DNAJB5: variants seen among roughly 807,000 people sequenced by gnomAD.
The protein encoded by DNAJB5 is DnaJ heat shock protein family (Hsp40) member B5.
In DNAJB5, 12 loss-of-function variants were observed where a neutral mutation model predicts 32.6. The observed-to-expected ratio is 0.37, with a 90% confidence interval of 0.24 to 0.60. DNAJB5 has a LOEUF of 0.60. Ranked by LOEUF, DNAJB5 falls within the 20% of genes least tolerant of loss-of-function variation. The probability of loss-of-function intolerance (pLI) is 0.71; values close to 1 mark genes in which losing one functional copy is unlikely to be tolerated. For missense variants in DNAJB5, 358 were observed against 554.2 expected (o/e 0.65, Z 3.55); for synonymous variants, 188 against 212.9 (o/e 0.88, Z 1.02).
chr9:34,990,276 G>A lies in DNAJB5; in HGVS notation c.-132-223G>A. 7.2e-7 allele frequency: 1 copy of A among 1,381,980 alleles called. No individual in the cohort carries two copies. The highest frequency in any genetic ancestry group is 1.3e-5 in the South Asian group (1 of 77,094). 85.6% of individuals were successfully genotyped at this position (1,381,980 alleles called of 1,614,324 possible). A position where few individuals can be genotyped will look rare whatever the true frequency, so the allele number is the denominator to read the frequency against. On this transcript the variant is annotated intron_variant, in intron 1 of 4. Coordinates refer to ENST00000682809, the MANE Select transcript of DNAJB5 (RefSeq NM_001349723.3). The surrounding 1 kb of genome is among the most constrained non-coding windows in gnomAD (Gnocchi z 4.5). ...ATTGAGTAGGTTCTTGGGGATTGGG[G>A]TCGGGTCCTCCCCAGTGAGAGGCGA...
rs1379151224 is a variant in DNAJB5 at position 34,993,618 on chromosome 9, C to T, written c.427+174C>T. 6.6e-6 allele frequency among the ~76,000 whole-genome samples: 1 copy of T among 152,112 alleles called. No homozygotes were observed. The highest frequency in any genetic ancestry group is 1.9e-4 in the East Asian group (1 of 5,192). ...CCCACCCACTACCCAGCTCAGCTCA[C>T]CCTAGTTCTCCCCGCCTCTCTCTGC... On this transcript the variant is annotated intron_variant, in intron 3 of 4. Coordinates refer to ENST00000682809, the MANE Select transcript of DNAJB5 (RefSeq NM_001349723.3). This position sits in a 1 kb window ranked among gnomAD's most constrained non-coding sequence, Gnocchi z 4.7.
In DNAJB5 at chr9:34,997,267, C is replaced by A. The variant is rs1226872177; in HGVS notation, c.*8C>A. ...CACCTACCCTGTTCCTAGGCTCTGC[C>A]CCAGCCAGTCCAGAGCCTACCACAG... On this transcript the variant is annotated 3_prime_UTR_variant, in exon 5 of 5. Coordinates refer to ENST00000682809, the MANE Select transcript of DNAJB5 (RefSeq NM_001349723.3). The surrounding 1 kb of genome is among the most constrained non-coding windows in gnomAD (Gnocchi z 4.1). 6.2e-7 allele frequency: 1 copy of A among 1,612,542 alleles called. No individual in the cohort carries two copies. Among genetic ancestry groups the A allele is most frequent in the East Asian group, 2.2e-5 (1 of 44,878 alleles).
chr9:34,989,749 C>T lies in DNAJB5; in HGVS notation c.-215C>T. On this transcript the variant is annotated 5_prime_UTR_variant, in exon 1 of 5. Coordinates refer to ENST00000682809, the MANE Select transcript of DNAJB5 (RefSeq NM_001349723.3). Reference sequence around the variant, plus strand: ...GCCGGCGGGCAGGCGACTCCTGTCCCGGGTGGAGGCGGCGGAGCCGGAGCC... The same window carrying T: ...GCCGGCGGGCAGGCGACTCCTGTCCTGGGTGGAGGCGGCGGAGCCGGAGCC... 1.6e-6 allele frequency: 2 copies of T among 1,231,214 alleles called. No homozygotes were observed. Among genetic ancestry groups the T allele is most frequent in the Non-Finnish European group, 2.0e-6 (2 of 987,582 alleles). 76.3% of individuals were successfully genotyped at this position (1,231,214 alleles called of 1,614,324 possible).
chr9:34,991,509 T>TAGG, intron 2 of DNAJB5: 1 of 449,954 alleles, frequency 2.2e-6, no homozygotes, highest in Non-Finnish European at 4.5e-6. Context: ...ACTGGCCCTC[T>TAGG]GCCTGGAAGC....
chr9:34,995,942 G>A (rs1827778846), intron 3 of DNAJB5, among the ~76,000 whole-genome samples: 1 of 152,214 alleles, frequency 6.6e-6, no homozygotes, highest in Non-Finnish European at 1.5e-5. Flanking sequence ...GGCTTTTTGA[G>A]ACATCTTTGG....
chr9:34,998,527 G>C (rs1455119037), downstream of DNAJB5: 1 of 152,192 alleles, frequency 6.6e-6, no homozygotes, highest in Non-Finnish European at 1.5e-5. Context: ...AGAAGCCCAA[G>C]CAGGCCCTCA....
chr9:34,990,145 C>T lies in DNAJB5; in HGVS notation c.-133+314C>T, dbSNP rs537385467. The T allele has an allele frequency of 1.7e-4, 126 of 745,238 alleles. No individual in the cohort carries two copies. In the South Asian group the frequency reaches 1.8e-3, roughly 11 times the overall value. The allele number at this position is 745,238 out of a possible 1,614,324, so 46.2% of individuals were successfully genotyped here. On this transcript the variant is annotated intron_variant, in intron 1 of 4. Coordinates refer to ENST00000682809, the MANE Select transcript of DNAJB5 (RefSeq NM_001349723.3). This position sits in a 1 kb window ranked among gnomAD's most constrained non-coding sequence, Gnocchi z 4.5. ...CGGGTGACATCACCGACCACCCTCC[C>T]CCGCCCGAGCCCCCTCCCCTCCTCT...
Position 34,993,214 on chromosome 9 carries a change from G to C in DNAJB5, c.197G>C (p.Ser66Thr). The change falls in exon 3 of 5, where the codon AGT (serine) becomes ACT (threonine). Residue 66 changes from serine to threonine, a missense_variant. Physicochemically the swap from Ser to Thr is moderately conservative, Grantham distance 58. Coordinates refer to ENST00000682809, the MANE Select transcript of DNAJB5 (RefSeq NM_001349723.3). This position sits in a 1 kb window ranked among gnomAD's most constrained non-coding sequence, Gnocchi z 4.7. ...GTTTCTTTCAGAAACAAGGAGACCA[G>C]TGCTGGTCCAGTGGCTGTGATGGGA... Reference protein sequence around the residue: ...GFVKFRNKETSAGPVAVMGKD... With the variant: ...GFVKFRNKETTAGPVAVMGKD... 1 of 1,613,920 alleles carries C rather than the reference G, an allele frequency of 6.2e-7. No individual in the cohort carries two copies. Among genetic ancestry groups the C allele is most frequent in the African/African-American group, 1.3e-5 (1 of 74,998 alleles).
chr9:34,991,461 G>A (rs1184273343), intron 2 of DNAJB5: 1 of 454,850 alleles, frequency 2.2e-6, no homozygotes, highest in Non-Finnish European at 4.4e-6. Context: ...GGTAATGCAG[G>A]GACACCAAAA....
At position 34,993,043 on chromosome 9, in the gene DNAJB5, C is replaced by T; in HGVS notation, c.183-157C>T. ...CAGAGCCAGAAGAGATCATCTAGTC[C>T]AAACCTTTCATTTTACAGATGGGGG... On this transcript the variant is annotated intron_variant, in intron 2 of 4. Transcript: ENST00000682809. The surrounding 1 kb of genome is among the most constrained non-coding windows in gnomAD (Gnocchi z 4.7). 1.4e-6 allele frequency: 2 copies of T among 1,439,404 alleles called. No homozygotes were observed. Among genetic ancestry groups the T allele is most frequent in the Non-Finnish European group, 1.8e-6 (2 of 1,103,028 alleles). 89.2% of individuals were successfully genotyped at this position (1,439,404 alleles called of 1,614,324 possible). A position where few individuals can be genotyped will look rare whatever the true frequency, so the allele number is the denominator to read the frequency against.
chr9:34,989,801 G>A lies in DNAJB5; in HGVS notation c.-163G>A, dbSNP rs1827567823. 8 of 1,231,688 alleles carry A rather than the reference G, an allele frequency of 6.5e-6. No homozygotes were observed. Among genetic ancestry groups the A allele is most frequent in the Non-Finnish European group, 8.1e-6 (8 of 987,792 alleles). 76.3% of individuals were successfully genotyped at this position (1,231,688 alleles called of 1,614,324 possible). ...GGGGAGGGGGCAGCGGCTGTCTCAC[G>A]GACCACGGCGGCGCCCGCAGCTCCT... On this transcript the variant is annotated 5_prime_UTR_variant, in exon 1 of 5. Transcript: ENST00000682809.
intron 2 of DNAJB5, chr9:34,992,860 A>G: frequency 9.0e-7 from 1 of 1,116,736 alleles, no homozygotes; most frequent in Non-Finnish European, 1.1e-6. Context: ...TGGGTCGCTC[A>G]GTCCATGGTG....
At chr9:34,991,673 C>CCCCT (rs1827645377) in intron 2 of DNAJB5, 1 of 236,672 alleles carries the variant, frequency 4.2e-6, no homozygotes. Context: ...CGGTTGCCCC[C>CCCCT]CCCCCCAACG....
In DNAJB5 at chr9:34,989,969, G is replaced by A. The variant is rs2132967803; in HGVS notation, c.-133+138G>A. On this transcript the variant is annotated intron_variant, in intron 1 of 4. Transcript: ENST00000682809. ...GGATGCGGGGCCCCGGGGTCTGCAG[G>A]GTGCTCGGAGTCCTAGACCAGGGCT... 6 of 1,092,338 alleles carry A rather than the reference G, an allele frequency of 5.5e-6. 1 individual carries two copies. In the South Asian group the frequency reaches 1.4e-4, roughly 25 times the overall value. The allele number at this position is 1,092,338 out of a possible 1,614,324, so 67.7% of individuals were successfully genotyped here.
intron 3 of DNAJB5, among the ~76,000 whole-genome samples, chr9:34,994,204 G>A (rs1264614621): frequency 2.0e-5 from 3 of 152,228 alleles, no homozygotes; most frequent in Non-Finnish European, 2.9e-5. Context: ...ACATTGTCAC[G>A]CTGAGGACTC....
chr9:34,990,312 C>G lies in DNAJB5; in HGVS notation c.-132-187C>G. 6.9e-7 allele frequency: 1 copy of G among 1,439,576 alleles called. No homozygotes were observed. Among genetic ancestry groups the G allele is most frequent in the African/African-American group, 1.4e-5 (1 of 71,082 alleles). The allele number at this position is 1,439,576 out of a possible 1,614,324, so 89.2% of individuals were successfully genotyped here. A position where few individuals can be genotyped will look rare whatever the true frequency, so the allele number is the denominator to read the frequency against. Reference sequence around the variant, plus strand: ...CCCAGTGAGAGGCGACAGGAGCTCACTGCCTCTCGGGCCCTCACAATCACA... The same window carrying G: ...CCCAGTGAGAGGCGACAGGAGCTCAGTGCCTCTCGGGCCCTCACAATCACA... On this transcript the variant is annotated intron_variant, in intron 1 of 4. Transcript: ENST00000682809. This position sits in a 1 kb window ranked among gnomAD's most constrained non-coding sequence, Gnocchi z 4.5.
In DNAJB5 at chr9:34,989,757, G is replaced by A; in HGVS notation, c.-207G>A. ...GCAGGCGACTCCTGTCCCGGGTGGA[G>A]GCGGCGGAGCCGGAGCCGGGGGAGG... On this transcript the variant is annotated 5_prime_UTR_variant, in exon 1 of 5. Transcript: ENST00000682809. 8.1e-7 allele frequency: 1 copy of A among 1,231,458 alleles called. No individual in the cohort carries two copies. 76.3% of individuals were successfully genotyped at this position (1,231,458 alleles called of 1,614,324 possible).
Position 34,997,484 on chromosome 9 carries a change from C to CA in DNAJB5, c.*227dup, listed in dbSNP as rs1402867797. The CA allele has an allele frequency of 4.4e-6, 3 of 676,306 alleles. No homozygotes were observed. Among genetic ancestry groups the CA allele is most frequent in the Non-Finnish European group, 8.1e-6 (3 of 370,842 alleles). 41.9% of individuals were successfully genotyped at this position (676,306 alleles called of 1,614,324 possible). On this transcript the variant is annotated 3_prime_UTR_variant, in exon 5 of 5. Coordinates refer to ENST00000682809, the MANE Select transcript of DNAJB5 (RefSeq NM_001349723.3). This position sits in a 1 kb window ranked among gnomAD's most constrained non-coding sequence, Gnocchi z 4.1. ...GGGAGAGCTAGCCCAGGCCAGGGGT[C>CA]AATGTTCATGTCACTAGCTTTCAAT...
At chr9:34,992,150 T>C (rs958282024) in intron 2 of DNAJB5, 2 of 152,396 alleles carry the variant, frequency 1.3e-5, no homozygotes, top group African/African-American at 4.8e-5. Flanking sequence ...CTTCCCCTGA[T>C]ATCCACCACA....
Sources: allele counts gnomAD v4.1 joint callset (sites outside exome capture counted in the v4.1 genomes callset), GRCh38; gene constraint gnomAD v4.1.1; non-coding constraint Gnocchi (gnomAD v3.1); transcripts MANE v1.5; gene names NCBI Gene and HGNC (gene_info 2026-07-23, HGNC 2026-07-21).